MYO10: variants seen among roughly 807,000 people sequenced by gnomAD.
MYO10 encodes unconventional myosin-X.
MYO10 carries 133 observed loss-of-function variants against 257.3 expected under a neutral mutation model. The observed-to-expected ratio is 0.52, with a 90% CI of 0.45 to 0.60. The LOEUF (loss-of-function observed/expected upper bound fraction) is 0.60. MYO10 is among the 20% of genes least tolerant of loss of function. The probability of loss-of-function intolerance (pLI) is 0.00; values close to 1 mark genes in which losing one functional copy is unlikely to be tolerated. For synonymous variants in MYO10, 1,104 were observed against 1,028.6 expected, an observed-to-expected ratio of 1.07 and a Z score of -1.40; for missense variants, 2,399 against 2,635.7, an observed-to-expected ratio of 0.91 and a Z score of 1.97.
Position 16,813,162 on chromosome 5 carries a change from G to C in MYO10, c.279+4847C>G, listed in dbSNP as rs568044045. Among the ~76,000 whole-genome samples the C allele has an allele frequency of 7.9e-5, 12 of 152,100 alleles. No homozygotes were observed. The South Asian group carries it at 2.1e-3, about 26-fold the overall frequency. ...TCAGAACAGAAAGTCAACAAATAAT[G>C]AAACATCCAGACGCCAGCAGGGGGA... On this transcript the variant is annotated intron_variant, in intron 3 of 40. Coordinates refer to ENST00000513610, the MANE Select transcript of MYO10 (RefSeq NM_012334.3).
At chr5:16,698,168 G>A (rs918338835) in intron 26 of MYO10, among the ~76,000 whole-genome samples, 7 of 152,090 alleles carry the variant, frequency 4.6e-5, no homozygotes, top group African/African-American at 1.2e-4. Flanking sequence ...GCCAAGAGTT[G>A]GAGACCAGCC....
At chr5:16,824,085 C>T (rs891373364) in intron 2 of MYO10, among the ~76,000 whole-genome samples, 4 of 152,154 alleles carry the variant, frequency 2.6e-5, no homozygotes, top group African/African-American at 9.7e-5. Flanking sequence ...CGACTGAAAA[C>T]ATAACTTGGA....
chr5:16,815,919 C>CTA (rs11471822), intron 3 of MYO10, among the ~76,000 whole-genome samples: 1 of 151,898 alleles, frequency 6.6e-6, no homozygotes, highest in Non-Finnish European at 1.5e-5. Context: ...AATCTAAAGA[C>CTA]AGGACAAGCT....
chr5:16,722,505 CG>C (rs530170628), intron 19 of MYO10, among the ~76,000 whole-genome samples: 45 of 56,944 alleles, frequency 7.9e-4, no homozygotes, highest in African/African-American at 1.7e-3. Context: ...GAAATGAAAA[CG>C]TTTTTTTGCT....
rs1462852455 is a variant in MYO10, at chr5:16,701,742, T to C, written c.2653A>G (p.Lys885Glu). ...TRELEKQKEN[K>E]QVEEILRLEK... ...AGACGGAGGATCTCTTCCACCTGCT[T>C]ATTTTCCTTCTGTTTCTCCAGTTCA... The change falls in exon 25 of 41, where the codon AAG becomes GAG. Residue 885 changes from lysine (K) to glutamate (E), a missense_variant. Physicochemically the swap from Lys to Glu is moderately conservative, Grantham distance 56. Coordinates refer to ENST00000513610, the MANE Select transcript of MYO10 (RefSeq NM_012334.3). The surrounding 1 kb of genome is among the most constrained non-coding windows in gnomAD (Gnocchi z 8.1). The C allele has an allele frequency of 2.5e-6, 4 of 1,613,870 alleles. No homozygotes were observed. Among genetic ancestry groups the C allele is most frequent in the Non-Finnish European group, 3.4e-6 (4 of 1,179,904 alleles).
At chr5:16,777,839 C>CCTTTTTTTTTTTTTTTTTTTTTTTTT (rs1560979466) in intron 9 of MYO10, among the ~76,000 whole-genome samples, 4 of 88,478 alleles carry the variant, frequency 4.5e-5, no homozygotes, top group African/African-American at 2.1e-4. Context: ...TTGCATCTAA[C>CCTTTTTTTTTTTTTTTTTTTTTTTTT]TTTTTTTTTT....
chr5:16,754,969 T>A, intron 18 of MYO10, 61 bp from the exon 19 acceptor site: 2 of 1,068,946 alleles, frequency 1.9e-6, no homozygotes, highest in Non-Finnish European at 2.7e-6. Flanking sequence ...AATTTCTCAG[T>A]ACTCTAGGCA....
At position 16,780,048 on chromosome 5, in the gene MYO10, C is replaced by T. The variant is rs183210526; in HGVS notation, c.827-400G>A. Among the ~76,000 whole-genome samples the T allele has an allele frequency of 6.9e-3, 1,049 of 152,152 alleles. 11 individuals carry two copies. The highest frequency in any genetic ancestry group is 7.8e-3 in the Non-Finnish European group (528 of 67,990). On this transcript the variant is annotated intron_variant, in intron 8 of 40. Transcript: ENST00000513610. ...TCCTGAGTAGCTGGAATTACAGGCA[C>T]GAACCACCATGCCTGGCTAATTTTT...
chr5:16,924,410 T>C (rs1035900878), intron 1 of MYO10, among the ~76,000 whole-genome samples: 4 of 152,074 alleles, frequency 2.6e-5, no homozygotes, highest in African/African-American at 9.7e-5. Flanking sequence ...CATAAATACA[T>C]CATGACAGGG....
chr5:16,675,979 G>C, intron 34 of MYO10, 52 bp downstream of exon 34: 1 of 1,558,456 alleles, frequency 6.4e-7, no homozygotes, highest in Non-Finnish European at 8.7e-7. Flanking sequence ...AGAGTTAGCA[G>C]GGCAAGTGGA....
intron 21 of MYO10, among the ~76,000 whole-genome samples, chr5:16,708,944 A>G (rs1388250488): frequency 6.6e-6 from 1 of 152,186 alleles, no homozygotes; most frequent in Non-Finnish European, 1.5e-5. Flanking sequence ...TTTCTTCAGA[A>G]AGTTTTCCTA....
At chr5:16,818,362 A>ATG (rs35397872) in intron 2 of MYO10, among the ~76,000 whole-genome samples, 195 bp from the exon 3 acceptor site, 28 of 136,836 alleles carry the variant, frequency 2.0e-4, no homozygotes, top group Middle Eastern at 3.7e-3. Context: ...GTGTGTATGT[A>ATG]TGTGTGTGTG....
intron 2 of MYO10, among the ~76,000 whole-genome samples, chr5:16,833,699 C>G (rs1021873422): frequency 6.6e-6 from 1 of 152,176 alleles, no homozygotes; most frequent in Non-Finnish European, 1.5e-5. Flanking sequence ...GAACTCCACT[C>G]TGCACCTCAC....
chr5:16,796,315 AAGAGAGGAAGAAAGGAAAGAAAGGGAAAG>A (rs1272954226), intron 3 of MYO10, among the ~76,000 whole-genome samples: 10 of 38,150 alleles, frequency 2.6e-4, no homozygotes, highest in South Asian at 1.4e-3. Context: ...AAGAAAGGGA[AAGAGAGGAAGAAAGGAAAGAAAGGGAAAG>A]AGAGGAAGAA....
At chr5:16,790,984 A>T (rs1159559211) in intron 4 of MYO10, among the ~76,000 whole-genome samples, 1 of 151,980 alleles carries the variant, frequency 6.6e-6, no homozygotes, top group Non-Finnish European at 1.5e-5. Context: ...CAAAAATGGC[A>T]AAATTAAAAC....
chr5:16,869,965 G>A (rs1278937428), intron 2 of MYO10, among the ~76,000 whole-genome samples: 1 of 150,868 alleles, frequency 6.6e-6, no homozygotes, highest in Non-Finnish European at 1.5e-5. Flanking sequence ...GAAAAGGAAA[G>A]GAAGCAGGCA....
Position 16,666,252 on chromosome 5 carries a change from G to A in MYO10, c.*440C>T, listed in dbSNP as rs57547009. On this transcript the variant is annotated 3_prime_UTR_variant, in exon 41 of 41. Transcript: ENST00000513610. ...CACTCCCTCACCTTCCCTCAGATTCGGGGAAATCAGGTTGGGAGGTTAGTG... is the reference window on the plus strand; with the variant it reads ...CACTCCCTCACCTTCCCTCAGATTCAGGGAAATCAGGTTGGGAGGTTAGTG... 628 of 156,208 alleles carry A rather than the reference G, an allele frequency of 4.0e-3. 3 individuals are homozygous for A. The highest frequency in any genetic ancestry group is 0.014 in the African/African-American group (600 of 41,730). The allele number at this position is 156,208 out of a possible 1,614,324, so 9.7% of individuals were successfully genotyped here. A position where few individuals can be genotyped will look rare whatever the true frequency, so the allele number is the denominator to read the frequency against.
chr5:16,818,414 A>ATATATG (rs1561000932), intron 2 of MYO10, among the ~76,000 whole-genome samples: 1 of 138,190 alleles, frequency 7.2e-6, no homozygotes, highest in African/African-American at 2.8e-5. Flanking sequence ...GTGTGTGTAT[A>ATATATG]TATATATATA....
At chr5:16,766,232 C>T (rs915394639) in intron 10 of MYO10, 34 bp from the exon 11 acceptor site, 2 of 1,535,046 alleles carry the variant, frequency 1.3e-6, no homozygotes, top group East Asian at 2.3e-5. Context: ...AATGAACCCA[C>T]CGCCCCCAAG....
Sources: allele counts gnomAD v4.1 joint callset (sites outside exome capture counted in the v4.1 genomes callset), GRCh38; gene constraint gnomAD v4.1.1; non-coding constraint Gnocchi (gnomAD v3.1); transcripts MANE v1.5; gene names NCBI Gene and HGNC (gene_info 2026-07-23, HGNC 2026-07-21).